The following NXN variants were observed in gnomAD, a reference collection of about 807,000 sequenced individuals.
NXN encodes nucleoredoxin.
A neutral mutation model predicts 48.6 loss-of-function variants in NXN; 16 were observed. The observed-to-expected ratio is 0.33, with a 90% CI of 0.22 to 0.50. NXN has a LOEUF of 0.50. NXN is among the 20% of genes least tolerant of loss of function. NXN has a pLI of 0.98. For synonymous variants in NXN, 281 were observed against 269.6 expected (o/e 1.04, Z -0.41); for missense variants, 492 against 605.5 (o/e 0.81, Z 1.97).
Position 932,694 on chromosome 17 carries a change from T to A in NXN, c.360+46625A>T, listed in dbSNP as rs370680454. Among the ~76,000 whole-genome samples, 6 of 152,324 alleles carry A rather than the reference T, an allele frequency of 3.9e-5. 2 individuals are homozygous for A. The highest frequency in any genetic ancestry group is 1.4e-4 in the African/African-American group (6 of 41,588). The stretch of plus-strand genomic sequence containing the variant: ...GAGGCTTCTGAGAGGCACCGACTTT[T>A]GCCATCAGTGGGCAGCGAGTGGGCT... On this transcript the variant is annotated intron_variant, in intron 1 of 7. Coordinates refer to ENST00000336868, the MANE Select transcript of NXN (RefSeq NM_022463.5). The surrounding 1 kb of genome is among the most constrained non-coding windows in gnomAD (Gnocchi z 4.1).
At chr17:921,248 T>C (rs554807516) in intron 1 of NXN, among the ~76,000 whole-genome samples, 1 of 152,100 alleles carries the variant, frequency 6.6e-6, no homozygotes, top group Non-Finnish European at 1.5e-5. Flanking sequence ...AAGGTAACTG[T>C]TTATCCCCAG....
intron 1 of NXN, among the ~76,000 whole-genome samples, chr17:840,619 G>A (rs567055991): frequency 5.9e-4 from 90 of 152,142 alleles, no homozygotes; most frequent in East Asian, 9.8e-4. Context: ...GATTACAGGC[G>A]TGAGCCACCG....
At chr17:865,478 G>A (rs1413438374) in intron 1 of NXN, among the ~76,000 whole-genome samples, 1 of 151,480 alleles carries the variant, frequency 6.6e-6, no homozygotes, top group Non-Finnish European at 1.5e-5. Flanking sequence ...ATGACCTCAG[G>A]TGATCCGCCC....
intron 1 of NXN, chr17:905,268 T>G (rs932663089): frequency 1.3e-5 from 2 of 150,038 alleles, no homozygotes; most frequent in African/African-American, 4.9e-5. Context: ...TATATATATA[T>G]ATATAGATGC....
intron 1 of NXN, chr17:864,195 G>C: frequency 8.2e-7 from 1 of 1,212,600 alleles, no homozygotes; most frequent in Non-Finnish European, 1.1e-6. Flanking sequence ...CTCGGTTCCG[G>C]TGAAGGGCAC....
At chr17:957,627 A>G (rs1269215490) in intron 1 of NXN, among the ~76,000 whole-genome samples, 2 of 125,610 alleles carry the variant, frequency 1.6e-5, no homozygotes, top group African/African-American at 3.0e-5. Context: ...GCAAGACTCC[A>G]TCTCAAAAAA....
At chr17:839,155 C>A (rs1424468598) in intron 1 of NXN, among the ~76,000 whole-genome samples, 2 of 152,198 alleles carry the variant, frequency 1.3e-5, no homozygotes, top group Non-Finnish European at 2.9e-5. Flanking sequence ...GAGCGTCAGG[C>A]CGGACGCGGT....
chr17:885,155 C>T (rs1345760889), intron 1 of NXN, among the ~76,000 whole-genome samples: 5 of 152,136 alleles, frequency 3.3e-5, no homozygotes, highest in Non-Finnish European at 5.9e-5. Flanking sequence ...AAGTTTAGGA[C>T]AGAGACTAAT....
At chr17:878,818 C>G (rs968304258) in intron 1 of NXN, among the ~76,000 whole-genome samples, 1 of 152,084 alleles carries the variant, frequency 6.6e-6, no homozygotes, top group Non-Finnish European at 1.5e-5. Context: ...TAAAAAAACA[C>G]GCAGAGCCAG....
chr17:959,235 C>T, intron 1 of NXN: 1 of 946,176 alleles, frequency 1.1e-6, no homozygotes, highest in Non-Finnish European at 1.4e-6. Flanking sequence ...GCAGATACCC[C>T]AGCTCCCAGC....
At chr17:805,035 A>AC in intron 6 of NXN, 33 bp downstream of exon 6, 6 of 1,155,078 alleles carry the variant, frequency 5.2e-6, no homozygotes, top group Admixed American at 4.5e-5. Flanking sequence ...CCCCCCAGCC[A>AC]CCCCTCGCCC....
chr17:911,418 C>T (rs969708424), intron 1 of NXN, among the ~76,000 whole-genome samples: 20 of 142,682 alleles, frequency 1.4e-4, no homozygotes, highest in African/African-American at 5.2e-4. Context: ...CGGCTTGCTG[C>T]AAGCTCCGCC....
chr17:944,539 A>G (rs1449509557), intron 1 of NXN, among the ~76,000 whole-genome samples: 1 of 152,212 alleles, frequency 6.6e-6, no homozygotes, highest in Non-Finnish European at 1.5e-5. Flanking sequence ...AATGTAAGGT[A>G]GATTCTGTTT....
intron 1 of NXN, among the ~76,000 whole-genome samples, chr17:931,946 C>T (rs1326798719): frequency 2.0e-5 from 3 of 152,046 alleles, no homozygotes; most frequent in South Asian, 4.1e-4. Flanking sequence ...TAGATCAAGA[C>T]CAGCCTGGCC....
chr17:809,710 A>G (rs1238103507), intron 5 of NXN, among the ~76,000 whole-genome samples: 1 of 148,718 alleles, frequency 6.7e-6, no homozygotes, highest in African/African-American at 2.5e-5. Flanking sequence ...TTAAGTGATC[A>G]TGAAAATGGT....
In NXN at chr17:920,579, A is replaced by C. The variant is rs2068739157; in HGVS notation, c.360+58740T>G. On this transcript the variant is annotated intron_variant, in intron 1 of 7. Coordinates refer to ENST00000336868, the MANE Select transcript of NXN (RefSeq NM_022463.5). This position sits in a 1 kb window ranked among gnomAD's most constrained non-coding sequence, Gnocchi z 4.6. ...CGACGCTCATCCAGGTTCATTCGCC[A>C]TCCGTATGCCCTAGCCCAGGGTGGG... is the stretch of plus-strand genomic sequence containing the variant. Among the ~76,000 whole-genome samples, 2 of 151,994 alleles carry C rather than the reference A, an allele frequency of 1.3e-5. No individual in the cohort carries two copies. The highest frequency in any genetic ancestry group is 4.2e-4 in the South Asian group (2 of 4,816).
intron 1 of NXN, among the ~76,000 whole-genome samples, chr17:976,596 C>T (rs2150647201): frequency 6.6e-6 from 1 of 152,224 alleles, no homozygotes; most frequent in East Asian, 1.9e-4. Context: ...ACGTGTTCAC[C>T]CATCCAGTGC....
At chr17:878,444 T>G (rs1429741135) in intron 1 of NXN, among the ~76,000 whole-genome samples, 7 of 69,068 alleles carry the variant, frequency 1.0e-4, no homozygotes, top group Admixed American at 1.8e-4. Flanking sequence ...AAGGAGGGGT[T>G]TGCGGGCGGG....
chr17:871,530 G>A lies in NXN; in HGVS notation c.361-45452C>T, dbSNP rs555641020. ...AATGATTCTCCTGCCTCAGCCTCCCGAGTAGCTGGGATTACAGGTACGTGC... is the reference window on the plus strand; with the variant it reads ...AATGATTCTCCTGCCTCAGCCTCCCAAGTAGCTGGGATTACAGGTACGTGC... On this transcript the variant is annotated intron_variant, in intron 1 of 7. Transcript: ENST00000336868. Among the ~76,000 whole-genome samples the A allele has an allele frequency of 1.6e-3, 232 of 147,364 alleles. 2 individuals carry two copies. The highest frequency in any genetic ancestry group is 2.8e-3 in the Non-Finnish European group (186 of 67,358).
Sources: gnomAD v4.1 joint callset for allele counts (sites outside exome capture counted in the v4.1 genomes callset) on GRCh38, gnomAD v4.1.1 for gene constraint, Gnocchi (gnomAD v3.1) non-coding constraint, MANE v1.5 for transcripts, NCBI Gene and HGNC (gene_info 2026-07-23, HGNC 2026-07-21) for gene names.